Variants in MAGI1 observed in about 807,000 individuals in gnomAD.
MAGI1 encodes membrane associated guanylate kinase, WW and PDZ domain containing 1, also known as membrane-associated guanylate kinase, WW and PDZ domain-containing protein 1.
In MAGI1, 58 loss-of-function variants were observed where a neutral mutation model predicts 139.9. The observed-to-expected ratio is 0.41, with a 90% CI of 0.34 to 0.52. The LOEUF (loss-of-function observed/expected upper bound fraction) is 0.52. Ranked by LOEUF, MAGI1 falls within the 20% of genes least tolerant of loss-of-function variation. The pLI is 0.12. For missense variants in MAGI1, 1,874 were observed against 1,901.6 expected, an observed-to-expected ratio of 0.99 and a Z score of 0.27; for synonymous variants, 812 against 737.9, an observed-to-expected ratio of 1.10 and a Z score of -1.63.
intron 1 of MAGI1, among the ~76,000 whole-genome samples, chr3:65,998,708 T>C (rs1461319088): frequency 6.6e-6 from 1 of 152,152 alleles, no homozygotes; most frequent in African/African-American, 2.4e-5. Flanking sequence ...TTTTCTTTTT[T>C]TTTACCCTTT....
chr3:65,382,892 C>A (rs993223566), intron 15 of MAGI1, among the ~76,000 whole-genome samples: 3 of 152,170 alleles, frequency 2.0e-5, no homozygotes, highest in African/African-American at 7.2e-5. Flanking sequence ...GAACCTGGCA[C>A]ATAGTAAGCG....
rs145781963 is a variant in MAGI1, at chr3:65,413,816, A to G, written c.2168-12346T>C. Among the ~76,000 whole-genome samples the G allele has an allele frequency of 2.0e-3, 300 of 152,324 alleles. 1 individual carries two copies. Among genetic ancestry groups the G allele is most frequent in the African/African-American group, 7.0e-3 (292 of 41,574 alleles). On this transcript the variant is annotated intron_variant, in intron 12 of 22. Coordinates refer to ENST00000402939, the MANE Select transcript of MAGI1 (RefSeq NM_001033057.2). Reference sequence around the variant, plus strand: ...ACTATCCCAGTTAGGACAAGCCTCAATTAGAAGTAACTTTTATAGGTCCAG... The same window carrying G: ...ACTATCCCAGTTAGGACAAGCCTCAGTTAGAAGTAACTTTTATAGGTCCAG...
chr3:65,557,580 T>A (rs1205611776), intron 2 of MAGI1, among the ~76,000 whole-genome samples: 1 of 152,230 alleles, frequency 6.6e-6, no homozygotes, highest in African/African-American at 2.4e-5. Flanking sequence ...TAGCAATAGA[T>A]AATGAATATG....
chr3:65,400,776 T>C lies in MAGI1; in HGVS notation c.2199+663A>G, dbSNP rs1944817824. ...TTTTTTTTTTTTTTTTTTTTTTTTTTTTTTTTTTTTTTTAAGAATCCTATA... is the reference window on the plus strand; with the variant it reads ...TTTTTTTTTTTTTTTTTTTTTTTTTCTTTTTTTTTTTTTAAGAATCCTATA... On this transcript the variant is annotated intron_variant, in intron 13 of 22. Coordinates refer to ENST00000402939, the MANE Select transcript of MAGI1 (RefSeq NM_001033057.2). Among the ~76,000 whole-genome samples, 4 of 121,404 alleles carry C rather than the reference T, an allele frequency of 3.3e-5. No homozygotes were observed. The South Asian group carries it at 1.1e-3, about 34-fold the overall frequency. 79.6% of individuals were successfully genotyped at this position (121,404 alleles called of 152,430 possible).
At chr3:65,581,978 C>G (rs2081448828) in intron 2 of MAGI1, among the ~76,000 whole-genome samples, 1 of 152,178 alleles carries the variant, frequency 6.6e-6, no homozygotes, top group African/African-American at 2.4e-5. Flanking sequence ...GTGTACACAA[C>G]TGGAACCTAG....
intron 14 of MAGI1, among the ~76,000 whole-genome samples, chr3:65,388,487 G>C (rs190029864): frequency 6.6e-6 from 1 of 151,962 alleles, no homozygotes; most frequent in African/African-American, 2.4e-5. Flanking sequence ...TGAAAGACAA[G>C]ATACAAAACA....
intron 1 of MAGI1, among the ~76,000 whole-genome samples, chr3:65,870,454 C>G (rs1302089722): frequency 6.6e-6 from 1 of 151,998 alleles, no homozygotes; most frequent in Non-Finnish European, 1.5e-5. Context: ...ATCTTTCTAT[C>G]TATCCCCTGG....
At position 65,579,869 on chromosome 3, in the gene MAGI1, C is replaced by G. The variant is rs1041098939; in HGVS notation, c.430+42103G>C. 2.0e-5 allele frequency among the ~76,000 whole-genome samples: 3 copies of G among 150,926 alleles called. No homozygotes were observed. The East Asian group carries it at 5.9e-4, about 29-fold the overall frequency. On this transcript the variant is annotated intron_variant, in intron 2 of 22. Transcript: ENST00000402939. ...TCTCAAAAAAAAAAAAAAACTCGCT[C>G]AGTATCATTGGGACATTAAAAAAGC...
chr3:65,379,176 G>T (rs1488516710), intron 17 of MAGI1, 85 bp downstream of exon 17: 1 of 1,595,400 alleles, frequency 6.3e-7, no homozygotes, highest in East Asian at 2.3e-5. Context: ...CTGCACGTGA[G>T]GTCTGAGTCA....
chr3:65,577,990 A>T (rs2081248786), intron 2 of MAGI1, among the ~76,000 whole-genome samples: 1 of 152,198 alleles, frequency 6.6e-6, no homozygotes, highest in African/African-American at 2.4e-5. Flanking sequence ...TTGAATGAAT[A>T]AATAATGTGA....
intron 1 of MAGI1, among the ~76,000 whole-genome samples, chr3:65,955,961 G>C (rs1452701971): frequency 6.6e-6 from 1 of 152,022 alleles, no homozygotes; most frequent in East Asian, 1.9e-4. Flanking sequence ...CTTCTCCACT[G>C]CCCATGTATG....
At chr3:65,740,848 G>A (rs962445681) in intron 1 of MAGI1, among the ~76,000 whole-genome samples, 31 of 152,136 alleles carry the variant, frequency 2.0e-4, no homozygotes, top group African/African-American at 7.5e-4. Flanking sequence ...CCCCATTTTT[G>A]TATGCACACA....
chr3:65,375,479 A>G (rs969246745), intron 18 of MAGI1, among the ~76,000 whole-genome samples: 1 of 151,794 alleles, frequency 6.6e-6, no homozygotes, highest in Non-Finnish European at 1.5e-5. Flanking sequence ...GAGCCACCGC[A>G]CCCGGCCTGA....
At chr3:65,944,619 CAGAAGGAAGG>C (rs935023810) in intron 1 of MAGI1, among the ~76,000 whole-genome samples, 1 of 151,872 alleles carries the variant, frequency 6.6e-6, no homozygotes, top group African/African-American at 2.4e-5. Context: ...AGAGAAAGAA[CAGAAGGAAGG>C]AAAAGGAAGG....
At chr3:65,808,624 C>T (rs1173950871) in intron 1 of MAGI1, among the ~76,000 whole-genome samples, 1 of 152,192 alleles carries the variant, frequency 6.6e-6, no homozygotes, top group Admixed American at 6.5e-5. Context: ...GCAGCCAGCA[C>T]GCTCTCAGCA....
intron 1 of MAGI1, among the ~76,000 whole-genome samples, chr3:65,863,874 T>TG (rs2059633741): frequency 6.6e-6 from 1 of 152,118 alleles, no homozygotes; most frequent in African/African-American, 2.4e-5. Flanking sequence ...GTCTTCAGAT[T>TG]CTAGCTGAAG....
chr3:65,482,994 G>C (rs2107630308), intron 3 of MAGI1, among the ~76,000 whole-genome samples: 1 of 152,368 alleles, frequency 6.6e-6, no homozygotes, highest in South Asian at 2.1e-4. Context: ...GACAGACAAA[G>C]ATCTTGGACC....
In MAGI1 at chr3:65,453,270, A is replaced by T. The variant is rs1247477423; in HGVS notation, c.1030T>A (p.Cys344Ser). 1 of 1,611,442 alleles carries T rather than the reference A, an allele frequency of 6.2e-7. No individual in the cohort carries two copies. The highest frequency in any genetic ancestry group is 8.5e-7 in the Non-Finnish European group (1 of 1,179,610). The change falls in exon 6 of 23, where the codon TGT (cysteine) becomes AGT (serine). Residue 344 changes from cysteine (C) to serine (S), a missense_variant. Coordinates refer to ENST00000402939, the MANE Select transcript of MAGI1 (RefSeq NM_001033057.2). ...LNKQQKPLEE[C>S]EDDEGVHTEE... is the part of the protein sequence containing the mutation. ...CCTGGCCCCTTACCATCATCTTCACACTCTTCCAGTGGCTTCTGCTGCTTG... is the reference window on the plus strand; with the variant it reads ...CCTGGCCCCTTACCATCATCTTCACTCTCTTCCAGTGGCTTCTGCTGCTTG...
chr3:65,496,011 T>C (rs1274558196), intron 2 of MAGI1, among the ~76,000 whole-genome samples: 1 of 152,116 alleles, frequency 6.6e-6, no homozygotes, highest in African/African-American at 2.4e-5. Context: ...TAGAATGGTT[T>C]TGAGCAAGGG....
Sources: allele counts gnomAD v4.1 joint callset (sites outside exome capture counted in the v4.1 genomes callset), GRCh38; gene constraint gnomAD v4.1.1; transcripts MANE v1.5; gene names NCBI Gene and HGNC (gene_info 2026-07-23, HGNC 2026-07-21).